Variants in ZFYVE16 observed in about 807,000 individuals in gnomAD.
ZFYVE16 encodes the protein zinc finger FYVE domain-containing protein 16.
A neutral mutation model predicts 138.1 loss-of-function variants in ZFYVE16; 89 were observed. The observed-to-expected ratio is 0.64, with a 90% CI of 0.54 to 0.77. The LOEUF (loss-of-function observed/expected upper bound fraction) is 0.77. ZFYVE16 is among the 30% of genes least tolerant of loss of function. The probability of loss-of-function intolerance (pLI) is 0.00; values close to 1 mark genes in which losing one functional copy is unlikely to be tolerated. For missense variants in ZFYVE16, 1,793 were observed against 1,786.7 expected, an observed-to-expected ratio of 1.00 and a Z score of -0.06; for synonymous variants, 596 against 618.3, an observed-to-expected ratio of 0.96 and a Z score of 0.53.
At chr5:80,435,713 T>G (rs1749805854) in intron 3 of ZFYVE16, 1 of 436,302 alleles carries the variant, frequency 2.3e-6, no homozygotes, top group African/African-American at 2.0e-5. Flanking sequence ...GGACCACAAG[T>G]GTGCGCCAGC....
intron 6 of ZFYVE16, among the ~76,000 whole-genome samples, 200 bp downstream of exon 6, chr5:80,443,484 G>T (rs1196463962): frequency 1.3e-5 from 2 of 152,196 alleles, no homozygotes; most frequent in African/African-American, 2.4e-5. Context: ...ATTAGTAACT[G>T]CAGGAAGCAA....
intron 2 of ZFYVE16, among the ~76,000 whole-genome samples, chr5:80,429,695 T>C (rs1748695623): frequency 6.6e-6 from 1 of 152,108 alleles, no homozygotes; most frequent in African/African-American, 2.4e-5. Context: ...GTGTGCTATA[T>C]TCAGGAAACC....
At chr5:80,408,941 T>G (rs1409971503) in intron 1 of ZFYVE16, among the ~76,000 whole-genome samples, 2 of 151,560 alleles carry the variant, frequency 1.3e-5, no homozygotes, top group African/African-American at 4.8e-5. Flanking sequence ...GGGAGTTTAA[T>G]GGTTTAATCC....
rs1230325306 is a variant in ZFYVE16, at chr5:80,450,452, A to G, written c.3248A>G (p.Tyr1083Cys). 2 of 1,613,382 alleles carry G rather than the reference A, an allele frequency of 1.2e-6. No homozygotes were observed. Among genetic ancestry groups the G allele is most frequent in the East Asian group, 2.2e-5 (1 of 44,774 alleles). Residue 1083 changes from tyrosine (Y) to cysteine (C), a missense_variant, in exon 10 of 19, where the codon TAC becomes TGC. Transcript: ENST00000505560. ...TAAGATTCCTCAGACAAATATTGGT[A>G]CTTTTCAACCAATGGATTGCATGGC... The part of the protein sequence containing the change: ...FIFYSSDKYW[Y>C]FSTNGLHGLG...
chr5:80,456,340 G>C (rs1752528235), intron 12 of ZFYVE16, 121 bp from the exon 13 acceptor site: 1 of 775,944 alleles, frequency 1.3e-6, no homozygotes, highest in South Asian at 1.9e-5. Flanking sequence ...ATACTACAAA[G>C]TTTTTCCTGA....
chr5:80,418,316 C>G (rs1258830362), intron 1 of ZFYVE16, among the ~76,000 whole-genome samples: 1 of 141,104 alleles, frequency 7.1e-6, no homozygotes, highest in East Asian at 2.2e-4. Context: ...CCCCTCCCCT[C>G]CCCCTCCTTT....
intron 9 of ZFYVE16, 114 bp from the exon 10 acceptor site, chr5:80,450,317 G>A (rs1751848219): frequency 3.0e-6 from 3 of 999,484 alleles, no homozygotes; most frequent in East Asian, 5.2e-5. Flanking sequence ...TTCATAAGGA[G>A]AACTTTGGGA....
chr5:80,432,549 C>T (rs928195008), intron 2 of ZFYVE16, among the ~76,000 whole-genome samples: 5 of 152,110 alleles, frequency 3.3e-5, no homozygotes, highest in African/African-American at 1.2e-4. Context: ...GTCTGAAGCA[C>T]CAAAAGCAAT....
At chr5:80,434,646 T>C (rs1749613902) in intron 3 of ZFYVE16, among the ~76,000 whole-genome samples, 1 of 151,984 alleles carries the variant, frequency 6.6e-6, no homozygotes, top group African/African-American at 2.4e-5. Context: ...AATTTTTCAG[T>C]TATTTGTAGA....
chr5:80,472,608 C>T (rs1262476712), intron 15 of ZFYVE16, among the ~76,000 whole-genome samples, 153 bp from the exon 16 acceptor site: 1 of 152,000 alleles, frequency 6.6e-6, no homozygotes, highest in Non-Finnish European at 1.5e-5. Flanking sequence ...AAATACTTGT[C>T]TTATTTCCTA....
rs185198674 is a variant in ZFYVE16 at position 80,423,865 on chromosome 5, A to G, written c.-93-3627A>G. 6.3e-3 allele frequency among the ~76,000 whole-genome samples: 949 copies of G among 151,522 alleles called. 10 individuals are homozygous for G. The highest frequency in any genetic ancestry group is 0.021 in the African/African-American group (877 of 41,286). ...TTTCTGCTCTAATTTTTATTTTCCTACTTGTTTTAGGCCAAAATTATTTTT... is the reference window on the plus strand; with the variant it reads ...TTTCTGCTCTAATTTTTATTTTCCTGCTTGTTTTAGGCCAAAATTATTTTT... On this transcript the variant is annotated intron_variant, in intron 1 of 18. Transcript: ENST00000505560.
intron 1 of ZFYVE16, among the ~76,000 whole-genome samples, chr5:80,420,694 A>G (rs1345557289): frequency 4.6e-5 from 7 of 152,166 alleles, no homozygotes; most frequent in Non-Finnish European, 8.8e-5. Flanking sequence ...CCAGTCTATC[A>G]TTGATGGACA....
chr5:80,418,590 A>C (rs981675193), intron 1 of ZFYVE16, among the ~76,000 whole-genome samples: 2 of 152,092 alleles, frequency 1.3e-5, no homozygotes, highest in Non-Finnish European at 2.9e-5. Flanking sequence ...CTGGGATTAC[A>C]GGTGTGAGCC....
At chr5:80,420,029 C>T (rs186491765) in intron 1 of ZFYVE16, among the ~76,000 whole-genome samples, 2 of 151,428 alleles carry the variant, frequency 1.3e-5, no homozygotes, top group African/African-American at 4.8e-5. Context: ...TCAAGCTGGT[C>T]TTGAACTCCT....
chr5:80,443,481 A>G (rs914375557), intron 6 of ZFYVE16, among the ~76,000 whole-genome samples, 197 bp downstream of exon 6: 1 of 152,196 alleles, frequency 6.6e-6, no homozygotes, highest in East Asian at 1.9e-4. Flanking sequence ...GCAATTAGTA[A>G]CTGCAGGAAG....
intron 1 of ZFYVE16, among the ~76,000 whole-genome samples, chr5:80,411,134 A>ATTTTTTTTTT (rs58086060): frequency 0.022 from 2,048 of 94,292 alleles, no homozygotes; most frequent in Middle Eastern, 0.032. Context: ...CGCCCAGCTA[A>ATTTTTTTTTT]TTTTTTTTTT....
chr5:80,451,835 A>G, intron 11 of ZFYVE16, 126 bp downstream of exon 11: 4 of 934,982 alleles, frequency 4.3e-6, no homozygotes, highest in Non-Finnish European at 6.3e-6. Context: ...TATGCTTTTA[A>G]AGTTCTAAGA....
intron 15 of ZFYVE16, among the ~76,000 whole-genome samples, chr5:80,465,929 CT>C (rs532634082): frequency 2.2e-3 from 312 of 142,356 alleles, no homozygotes; most frequent in Non-Finnish European, 2.2e-3. Flanking sequence ...TATTGGTATT[CT>C]TTTTTTTTTT....
At chr5:80,441,463 A>C (rs1750702872) in intron 5 of ZFYVE16, 1 of 985,222 alleles carries the variant, frequency 1.0e-6, no homozygotes, top group Admixed American at 6.2e-5. Context: ...TTTGTCATTA[A>C]TTCATATGCC....
Sources: allele counts gnomAD v4.1 joint callset (sites outside exome capture counted in the v4.1 genomes callset), GRCh38; gene constraint gnomAD v4.1.1; transcripts MANE v1.5; gene names NCBI Gene and HGNC (gene_info 2026-07-23, HGNC 2026-07-21).